Variants in ERBB4 observed in about 807,000 individuals in gnomAD.
ERBB4 encodes the protein erb-b2 receptor tyrosine kinase 4, also known as receptor tyrosine-protein kinase erbB-4.
A neutral mutation model predicts 158.0 loss-of-function variants in ERBB4; 42 were observed. That is an observed-to-expected ratio of 0.27 (90% CI 0.21 to 0.34). The LOEUF is 0.34. Among genes scored for constraint, ERBB4 ranks in the 10% least tolerant of loss-of-function variants. The pLI is 1.00. For missense variants in ERBB4, 1,333 were observed against 1,624.1 expected (o/e 0.82, Z 3.08); for synonymous variants, 583 against 558.7 (o/e 1.04, Z -0.61).
chr2:212,448,125 T>A (rs1289195891), intron 1 of ERBB4, among the ~76,000 whole-genome samples: 1 of 152,086 alleles, frequency 6.6e-6, no homozygotes, highest in Non-Finnish European at 1.5e-5. Context: ...TTAACTGTAA[T>A]CTCTAAGATA....
intron 1 of ERBB4, among the ~76,000 whole-genome samples, chr2:212,234,150 A>G (rs1236894888): frequency 6.6e-6 from 1 of 151,994 alleles, no homozygotes; most frequent in East Asian, 1.9e-4. Context: ...AACCTCTGAC[A>G]GGCCCTGTTG....
At chr2:212,321,461 C>G (rs866274609) in intron 1 of ERBB4, among the ~76,000 whole-genome samples, 3 of 150,428 alleles carry the variant, frequency 2.0e-5, no homozygotes, top group Non-Finnish European at 4.5e-5. Context: ...GCCTATAATA[C>G]TGGCATTTTG....
intron 2 of ERBB4, among the ~76,000 whole-genome samples, chr2:212,009,405 T>C (rs1045172089): frequency 4.6e-5 from 7 of 151,214 alleles, no homozygotes; most frequent in African/African-American, 1.7e-4. Context: ...CAAGGAACAC[T>C]TGGGGGCTAC....
At chr2:211,498,377 T>C (rs1027547534) in intron 20 of ERBB4, among the ~76,000 whole-genome samples, 3 of 152,104 alleles carry the variant, frequency 2.0e-5, no homozygotes, top group African/African-American at 7.2e-5. Context: ...ACTAATTATT[T>C]GTTTGACTTT....
intron 25 of ERBB4, among the ~76,000 whole-genome samples, chr2:211,392,358 C>T (rs2062814773): frequency 6.6e-6 from 1 of 152,036 alleles, no homozygotes; most frequent in Non-Finnish European, 1.5e-5. Context: ...CAGAAGGAAA[C>T]AAACAGAATG....
chr2:211,579,325 T>C (rs548566478), intron 19 of ERBB4, among the ~76,000 whole-genome samples: 5 of 152,224 alleles, frequency 3.3e-5, no homozygotes, highest in East Asian at 1.9e-4. Flanking sequence ...TGTGGAGATA[T>C]AGGAACACTT....
At chr2:211,442,426 C>G (rs980781544) in intron 20 of ERBB4, among the ~76,000 whole-genome samples, 1 of 151,976 alleles carries the variant, frequency 6.6e-6, no homozygotes, top group Non-Finnish European at 1.5e-5. Context: ...AACCATCCAT[C>G]TGGAGCTAAA....
chr2:212,154,939 G>T (rs1229817577), intron 1 of ERBB4, among the ~76,000 whole-genome samples: 2 of 152,134 alleles, frequency 1.3e-5, no homozygotes, highest in Non-Finnish European at 2.9e-5. Flanking sequence ...TTCAAGCCAG[G>T]TCTCTGAGCA....
intron 2 of ERBB4, among the ~76,000 whole-genome samples, chr2:211,979,872 C>T (rs903414546): frequency 6.6e-6 from 1 of 152,090 alleles, no homozygotes; most frequent in African/African-American, 2.4e-5. Context: ...ATGATTTATA[C>T]ATCTATGCCC....
intron 3 of ERBB4, among the ~76,000 whole-genome samples, chr2:211,834,003 C>T (rs1280277025): frequency 1.3e-5 from 2 of 151,978 alleles, no homozygotes; most frequent in Non-Finnish European, 2.9e-5. Context: ...CGAGTGTAGT[C>T]GATCTTTACA....
chr2:211,825,239 C>T (rs2105953265), intron 3 of ERBB4, among the ~76,000 whole-genome samples: 1 of 151,794 alleles, frequency 6.6e-6, no homozygotes, highest in South Asian at 2.1e-4. Flanking sequence ...TTATTATCAT[C>T]ATCATAATGA....
rs74913344 is a variant in ERBB4, at chr2:212,253,046, C to T, written c.83-128143G>A. Reference sequence around the variant, plus strand: ...ATCCTATGTTTACATTGAGAAAAGTCGTCAGTTATATATTACATGCTTCAT... The same window carrying T: ...ATCCTATGTTTACATTGAGAAAAGTTGTCAGTTATATATTACATGCTTCAT... On this transcript the variant is annotated intron_variant, in intron 1 of 27. Coordinates refer to ENST00000342788, the MANE Select transcript of ERBB4 (RefSeq NM_005235.3). 5.0e-3 allele frequency among the ~76,000 whole-genome samples: 756 copies of T among 152,126 alleles called. 6 individuals are homozygous for T. The highest frequency in any genetic ancestry group is 0.016 in the African/African-American group (675 of 41,546).
intron 20 of ERBB4, among the ~76,000 whole-genome samples, chr2:211,454,415 A>T (rs2064327561): frequency 6.6e-6 from 1 of 152,214 alleles, no homozygotes; most frequent in Non-Finnish European, 1.5e-5. Context: ...GTCTAAATCC[A>T]TGTATTCTCT....
chr2:211,960,271 C>T (rs1199792872), intron 2 of ERBB4, among the ~76,000 whole-genome samples: 1 of 151,968 alleles, frequency 6.6e-6, no homozygotes, highest in East Asian at 1.9e-4. Flanking sequence ...GTCAAAAGGG[C>T]TCAAGAACCA....
At chr2:212,232,151 A>G (rs902838993) in intron 1 of ERBB4, among the ~76,000 whole-genome samples, 7 of 152,170 alleles carry the variant, frequency 4.6e-5, no homozygotes, top group African/African-American at 1.7e-4. Context: ...GGCTGTTATT[A>G]TAATACAATA....
At chr2:211,847,113 G>A (rs1175818602) in intron 3 of ERBB4, among the ~76,000 whole-genome samples, 1 of 152,132 alleles carries the variant, frequency 6.6e-6, no homozygotes, top group Admixed American at 6.6e-5. Flanking sequence ...AACATCTTGA[G>A]CTGTGCTTAA....
At chr2:212,059,831 T>C (rs2077704133) in intron 2 of ERBB4, among the ~76,000 whole-genome samples, 1 of 152,032 alleles carries the variant, frequency 6.6e-6, no homozygotes, top group African/African-American at 2.4e-5. Flanking sequence ...TCTAAAACCA[T>C]AAAAACCCTA....
In ERBB4 at chr2:212,282,718, C is replaced by G. The variant is rs142389961; in HGVS notation, c.83-157815G>C. ...CCCCAAACCCACTGAAGCAGAATCT[C>G]CAGGGAAAGTGCCTGGGAATTTGTA... On this transcript the variant is annotated intron_variant, in intron 1 of 27. Coordinates refer to ENST00000342788, the MANE Select transcript of ERBB4 (RefSeq NM_005235.3). Among the ~76,000 whole-genome samples the G allele has an allele frequency of 6.8e-4, 103 of 151,964 alleles. 1 individual carries two copies. Among genetic ancestry groups the G allele is most frequent in the African/African-American group, 2.4e-3 (99 of 41,532 alleles).
intron 1 of ERBB4, among the ~76,000 whole-genome samples, chr2:212,396,699 T>C (rs2091034645): frequency 6.6e-6 from 1 of 152,170 alleles, no homozygotes; most frequent in African/African-American, 2.4e-5. Flanking sequence ...ACTTAAGCCA[T>C]AGCAGACCCA....
Sources: allele counts gnomAD v4.1 joint callset (sites outside exome capture counted in the v4.1 genomes callset), GRCh38; gene constraint gnomAD v4.1.1; transcripts MANE v1.5; gene names NCBI Gene and HGNC (gene_info 2026-07-23, HGNC 2026-07-21).